The following CFAP161 variants were observed in gnomAD, a reference collection of about 807,000 sequenced individuals.
CFAP161 encodes cilia and flagella associated protein 161.
Under a neutral mutation model 29.0 loss-of-function variants are expected in CFAP161, and 25 were observed. The observed-to-expected ratio is 0.86, with a 90% confidence interval of 0.63 to 1.20. The LOEUF (loss-of-function observed/expected upper bound fraction) is 1.20. CFAP161 is among the 50% of genes most tolerant of loss of function. The probability of loss-of-function intolerance (pLI) is 0.00; values close to 1 mark genes in which losing one functional copy is unlikely to be tolerated. For synonymous variants in CFAP161, 116 were observed against 137.4 expected (o/e 0.84, Z 1.09); for missense variants, 367 against 371.9 (o/e 0.99, Z 0.11).
At chr15:81,135,621 GT>G (rs1894797297) in intron 2 of CFAP161, among the ~76,000 whole-genome samples, 1 of 150,158 alleles carries the variant, frequency 6.7e-6, no homozygotes, top group Non-Finnish European at 1.5e-5. Context: ...GCGGTGTTTG[GT>G]TTTCTGTCCC....
intron 1 of CFAP161, among the ~76,000 whole-genome samples, chr15:81,108,083 T>C (rs1422249493): frequency 6.6e-6 from 1 of 152,178 alleles, no homozygotes; most frequent in African/African-American, 2.4e-5. Flanking sequence ...TTTGGGGAAA[T>C]GAGTCTGCCT....
intron 1 of CFAP161, among the ~76,000 whole-genome samples, chr15:81,115,084 A>AT (rs1453978522): frequency 6.6e-6 from 1 of 152,154 alleles, no homozygotes; most frequent in East Asian, 1.9e-4. Flanking sequence ...TTGCAGAAGG[A>AT]TTTTTTGTAT....
intron 5 of CFAP161, among the ~76,000 whole-genome samples, chr15:81,144,382 G>A (rs1398981837): frequency 2.0e-5 from 3 of 152,120 alleles, no homozygotes; most frequent in Non-Finnish European, 4.4e-5. Context: ...ATCTTTTGAG[G>A]CCAGGAGTTC....
chr15:81,108,358 C>T (rs1441696105), intron 1 of CFAP161, among the ~76,000 whole-genome samples: 2 of 150,864 alleles, frequency 1.3e-5, no homozygotes, highest in African/African-American at 2.4e-5. Context: ...TTTTTCCCAA[C>T]CAGCAACAGG....
chr15:81,134,398 G>A lies in CFAP161; in HGVS notation c.69G>A (p.Glu23=), dbSNP rs1301789204. 1.3e-6 allele frequency: 2 copies of A among 1,580,580 alleles called. No individual in the cohort carries two copies. Among genetic ancestry groups the A allele is most frequent in the Non-Finnish European group, 1.7e-6 (2 of 1,163,782 alleles). Residue 23 remains glutamate (E), a splice_region_variant and synonymous_variant, in exon 1 of 7, where the codon GAG becomes GAA. Coordinates refer to ENST00000286732, the MANE Select transcript of CFAP161 (RefSeq NM_173528.4). The stretch of plus-strand genomic sequence containing the variant: ...GGAATGAGGATGTCTACCTGGAGGA[G>A]GTACGCAGGGTGTGGCCAGGCGCAG... ...GNWNEDVYLE[E]ELMKDFLEKR...
intron 1 of CFAP161, among the ~76,000 whole-genome samples, chr15:81,106,147 T>G (rs998879372): frequency 3.9e-5 from 6 of 152,172 alleles, no homozygotes; most frequent in Non-Finnish European, 8.8e-5. Context: ...AAGATGGTCT[T>G]GATAGATGAG....
At chr15:81,130,713 A>G (rs1262342154), upstream of CFAP161, among the ~76,000 whole-genome samples, 1 of 152,202 alleles carries the variant, frequency 6.6e-6, no homozygotes, top group African/African-American at 2.4e-5. Flanking sequence ...AACAAAAACA[A>G]AAACAAAACA....
At chr15:81,120,174 G>A (rs1042801493) in intron 1 of CFAP161, among the ~76,000 whole-genome samples, 34 of 152,166 alleles carry the variant, frequency 2.2e-4, no homozygotes, top group Non-Finnish European at 7.3e-5. Context: ...CTTAGGTGAA[G>A]CCCATTTAGA....
chr15:81,145,928 T>C (rs1894998687), intron 5 of CFAP161, among the ~76,000 whole-genome samples: 1 of 152,154 alleles, frequency 6.6e-6, no homozygotes, highest in Admixed American at 6.5e-5. Context: ...AACTCTATCA[T>C]TGGTTATCTC....
In CFAP161 at chr15:81,117,356, C is replaced by T. The variant is rs146579794; in HGVS notation, c.-141-10234C>T. On this transcript the variant is annotated intron_variant, in intron 1 of 4. Coordinates refer to the CFAP161 transcript ENST00000560091. ...CCACAGATGGTTGACTCACCAATCA[C>T]AGCTATCCACGCTACAGCAAGAGTC... Among the ~76,000 whole-genome samples, 67 of 152,248 alleles carry T rather than the reference C, an allele frequency of 4.4e-4. 2 individuals are homozygous for T. Among genetic ancestry groups the T allele is most frequent in the Admixed American group, 3.9e-3 (60 of 15,296 alleles).
At chr15:81,142,765 C>T (rs1177265170) in intron 4 of CFAP161, among the ~76,000 whole-genome samples, 1 of 152,202 alleles carries the variant, frequency 6.6e-6, no homozygotes, top group Non-Finnish European at 1.5e-5. Context: ...CCTCCACATT[C>T]AGGGCGGGGC....
intron 1 of CFAP161, chr15:81,118,147 G>A (rs2250029): frequency 0.6 from 300,613 of 504,396 alleles, 93,517 homozygotes; most frequent in Middle Eastern, 0.68. Context: ...TTTTTCTGCA[G>A]ACATATTCAG....
rs759030499 is a variant in CFAP161 at position 81,148,320 on chromosome 15, G to C, written c.711-18G>C. 6.3e-6 allele frequency: 10 copies of C among 1,595,098 alleles called. No homozygotes were observed. On this transcript the variant is annotated intron_variant, in intron 6 of 6. Coordinates refer to ENST00000286732, the MANE Select transcript of CFAP161 (RefSeq NM_173528.4). ...TGTTATTCAATTTCAAACCACAACT[G>C]ATTCTCTCTTGCTCCAGCACCTATT...
intron 1 of CFAP161, among the ~76,000 whole-genome samples, chr15:81,102,277 C>T (rs1443211201): frequency 5.9e-5 from 9 of 152,106 alleles, no homozygotes; most frequent in Non-Finnish European, 1.3e-4. Context: ...GACCAGGCCA[C>T]GTTCACGTTT....
Position 81,108,263 on chromosome 15 carries a change from T to A in CFAP161, c.-141-19327T>A, listed in dbSNP as rs1894398411. 2.0e-5 allele frequency among the ~76,000 whole-genome samples: 3 copies of A among 152,200 alleles called. No homozygotes were observed. The South Asian group carries it at 6.2e-4, about 31-fold the overall frequency. ...TAGAAATGGACCCAAACAGATTCAT[T>A]CTTGTTGCATTCTGAATCTTATATT... is the stretch of plus-strand genomic sequence containing the variant. On this transcript the variant is annotated intron_variant, in intron 1 of 4. Transcript: ENST00000560091.
At chr15:81,110,320 C>T (rs1429370463) in intron 1 of CFAP161, among the ~76,000 whole-genome samples, 1 of 152,100 alleles carries the variant, frequency 6.6e-6, no homozygotes, top group Admixed American at 6.5e-5. Flanking sequence ...GGACAGCATC[C>T]TCCTATAACG....
intron 1 of CFAP161, among the ~76,000 whole-genome samples, chr15:81,125,072 C>A (rs1894623468): frequency 6.7e-6 from 1 of 149,056 alleles, no homozygotes; most frequent in Admixed American, 6.8e-5. Flanking sequence ...TTTAAGATTT[C>A]CAATTACAGA....
rs1471734271 is a variant in CFAP161 at position 81,138,068 on chromosome 15, C to T, written c.410C>T (p.Thr137Ile). Residue 137 changes from threonine to isoleucine, a missense_variant, in exon 4 of 7, where the codon ACT becomes ATT. Coordinates refer to ENST00000286732, the MANE Select transcript of CFAP161 (RefSeq NM_173528.4). ...ACTGACAGTGTACACAGAGATGCCA[C>T]TGGTCAAGTCCTTAGATATGGGCAG... ...FIILSVHRDA[T>I]GQVLRYGQDF... 2 of 1,610,734 alleles carry T rather than the reference C, an allele frequency of 1.2e-6. No individual in the cohort carries two copies. Among genetic ancestry groups the T allele is most frequent in the African/African-American group, 1.3e-5 (1 of 74,842 alleles).
chr15:81,108,604 G>T (rs958300073), intron 1 of CFAP161, among the ~76,000 whole-genome samples: 1 of 152,162 alleles, frequency 6.6e-6, no homozygotes, highest in African/African-American at 2.4e-5. Flanking sequence ...ATGCTCTACA[G>T]ATTCTTAGGG....
Sources: gnomAD v4.1 joint callset for allele counts (sites outside exome capture counted in the v4.1 genomes callset) on GRCh38, gnomAD v4.1.1 for gene constraint, MANE v1.5 for transcripts, NCBI Gene and HGNC (gene_info 2026-07-23, HGNC 2026-07-21) for gene names.